The following CCDC7 variants were observed in gnomAD, a reference collection of about 807,000 sequenced individuals.
CCDC7 encodes the protein coiled-coil domain containing 7, also known as coiled-coil domain-containing protein 7.
In CCDC7, 183 loss-of-function variants were observed where a neutral mutation model predicts 196.9. That is an observed-to-expected ratio of 0.93 (90% confidence interval 0.82 to 1.05). CCDC7 has a LOEUF of 1.05. Ranked by LOEUF, CCDC7 falls within the 50% of genes least tolerant of loss-of-function variation. CCDC7 has a pLI of 0.00. For synonymous variants in CCDC7, 525 were observed against 484.6 expected (o/e 1.08, Z -1.10); for missense variants, 1,540 against 1,482.2 (o/e 1.04, Z -0.64).
chr10:32,599,558 TCTC>T (rs2060776832), intron 18 of CCDC7, among the ~76,000 whole-genome samples: 1 of 152,294 alleles, frequency 6.6e-6, no homozygotes, highest in African/African-American at 2.4e-5. Flanking sequence ...CATTTTTTAT[TCTC>T]CTCTCATTTT....
intron 11 of CCDC7, among the ~76,000 whole-genome samples, chr10:32,521,068 T>C (rs754601951): frequency 2.0e-5 from 3 of 152,134 alleles, no homozygotes; most frequent in Admixed American, 6.5e-5. Context: ...TTCTGTTCCA[T>C]TGGTCTATGT....
intron 33 of CCDC7, among the ~76,000 whole-genome samples, chr10:32,839,693 G>A (rs1301896145): frequency 6.6e-6 from 1 of 151,900 alleles, no homozygotes; most frequent in South Asian, 2.1e-4. Context: ...AACAACTGCA[G>A]AATATACATT....
At chr10:32,484,088 G>A (rs574723273) in intron 8 of CCDC7, among the ~76,000 whole-genome samples, 4 of 152,190 alleles carry the variant, frequency 2.6e-5, no homozygotes, top group Non-Finnish European at 2.9e-5. Context: ...ACCTTGGGCA[G>A]TATGGCCATT....
intron 21 of CCDC7, among the ~76,000 whole-genome samples, chr10:32,683,742 A>G (rs1762528): frequency 0.98 from 149,876 of 152,274 alleles, 73,797 homozygotes; most frequent in Middle Eastern, 1. Flanking sequence ...CTTGTTGCCA[A>G]TTGCCAATGG....
upstream of CCDC7, among the ~76,000 whole-genome samples, chr10:32,449,914 T>C (rs1161140093): frequency 1.3e-5 from 2 of 152,220 alleles, no homozygotes; most frequent in Non-Finnish European, 2.9e-5. Context: ...GCGTCTGGGC[T>C]TTCATCAGAC....
chr10:32,751,631 T>C (rs1485307018), intron 28 of CCDC7, among the ~76,000 whole-genome samples: 1 of 152,192 alleles, frequency 6.6e-6, no homozygotes, highest in Non-Finnish European at 1.5e-5. Context: ...TATGATATCC[T>C]GTAAATCAAG....
chr10:32,445,807 G>A (rs766139062), upstream of CCDC7, among the ~76,000 whole-genome samples: 4 of 152,228 alleles, frequency 2.6e-5, no homozygotes, highest in Non-Finnish European at 4.4e-5. Context: ...AGCTTGAGGA[G>A]ACAGCAGATG....
At chr10:32,840,784 A>G (rs924115632) in intron 33 of CCDC7, among the ~76,000 whole-genome samples, 1 of 152,130 alleles carries the variant, frequency 6.6e-6, no homozygotes, top group African/African-American at 2.4e-5. Context: ...ATCCAAGAGC[A>G]TATCAAAAAG....
chr10:32,721,098 G>GAA (rs372611497), intron 25 of CCDC7, among the ~76,000 whole-genome samples: 1 of 145,046 alleles, frequency 6.9e-6, no homozygotes, highest in African/African-American at 2.5e-5. Flanking sequence ...GTCTCCAAAA[G>GAA]AAAAAAAAAA....
At chr10:32,620,239 T>C (rs1361477026) in intron 18 of CCDC7, among the ~76,000 whole-genome samples, 1 of 152,110 alleles carries the variant, frequency 6.6e-6, no homozygotes, top group African/African-American at 2.4e-5. Flanking sequence ...TGTCTTTTAA[T>C]TCTGTTATTG....
At chr10:32,556,344 A>G (rs1221782631) in intron 13 of CCDC7, among the ~76,000 whole-genome samples, 1 of 152,156 alleles carries the variant, frequency 6.6e-6, no homozygotes, top group East Asian at 1.9e-4. Flanking sequence ...TCTCATGTAA[A>G]GTTTGAGTTG....
intron 32 of CCDC7, among the ~76,000 whole-genome samples, chr10:32,828,845 A>T (rs2091788935): frequency 1.3e-5 from 2 of 152,160 alleles, no homozygotes; most frequent in African/African-American, 2.4e-5. Flanking sequence ...ACCCCTAGTG[A>T]TCCACTAGCA....
chr10:32,694,933 C>A lies in CCDC7; in HGVS notation c.2399C>A (p.Ser800Ter). ...GTGCTTGAACATCAAGATTCAGTGT[C>A]AAAACTGGAAATGCAAATTGAAAAA... The change falls in exon 24 of 42, where the codon TCA (serine) becomes TAA (stop). Residue 800 changes from serine (S) to a stop codon, truncating the protein, a stop_gained. Transcript: ENST00000639629. LOFTEE classifies it high-confidence loss of function. 1.9e-6 allele frequency: 3 copies of A among 1,605,782 alleles called. No individual in the cohort carries two copies. Among genetic ancestry groups the A allele is most frequent in the South Asian group, 2.2e-5 (2 of 89,116 alleles).
intron 11 of CCDC7, among the ~76,000 whole-genome samples, chr10:32,519,528 C>G (rs1209043521): frequency 6.6e-6 from 1 of 152,010 alleles, no homozygotes; most frequent in Non-Finnish European, 1.5e-5. Context: ...TGCGTAGAAA[C>G]TTTGGTGCTC....
chr10:32,583,631 A>T (rs2137518180), intron 17 of CCDC7, among the ~76,000 whole-genome samples: 1 of 152,248 alleles, frequency 6.6e-6, no homozygotes, highest in South Asian at 2.1e-4. Flanking sequence ...TACAAAAAAA[A>T]TTTTTATACA....
chr10:32,445,714 T>C (rs2030769428), upstream of CCDC7, among the ~76,000 whole-genome samples: 1 of 152,220 alleles, frequency 6.6e-6, no homozygotes, highest in Non-Finnish European at 1.5e-5. Flanking sequence ...CATTTGATTT[T>C]GTTTTGCTTT....
chr10:32,667,354 G>A (rs953628149), intron 21 of CCDC7, among the ~76,000 whole-genome samples: 9 of 152,112 alleles, frequency 5.9e-5, no homozygotes, highest in Non-Finnish European at 8.8e-5. Context: ...CTTTTGCTGT[G>A]CAGAAACTCT....
At chr10:32,669,515 G>C (rs1434394450) in intron 21 of CCDC7, among the ~76,000 whole-genome samples, 1 of 151,936 alleles carries the variant, frequency 6.6e-6, no homozygotes, top group Non-Finnish European at 1.5e-5. Context: ...TGAGGTCTTA[G>C]CTTTTCTTTA....
At chr10:32,837,061 A>T (rs1323019288) in intron 33 of CCDC7, among the ~76,000 whole-genome samples, 3 of 152,196 alleles carry the variant, frequency 2.0e-5, no homozygotes, top group African/African-American at 4.8e-5. Context: ...AACAAAAGCC[A>T]AAATTGACAA....
Sources: allele counts gnomAD v4.1 joint callset (sites outside exome capture counted in the v4.1 genomes callset), GRCh38; gene constraint gnomAD v4.1.1; transcripts MANE v1.5; gene names NCBI Gene and HGNC (gene_info 2026-07-23, HGNC 2026-07-21).